The following AIG1 variants were observed in gnomAD, a reference collection of about 807,000 sequenced individuals.
AIG1 encodes androgen induced 1.
Under a neutral mutation model 31.4 loss-of-function variants are expected in AIG1, and 23 were observed. The observed-to-expected ratio is 0.73, with a 90% CI of 0.53 to 1.04. The LOEUF (loss-of-function observed/expected upper bound fraction) is 1.04. AIG1 is among the 50% of genes least tolerant of loss of function. The pLI is 0.00. For synonymous variants in AIG1, 100 were observed against 110.5 expected (o/e 0.90, Z 0.60); for missense variants, 274 against 295.0 (o/e 0.93, Z 0.52).
Position 143,133,178 on chromosome 6 carries a change from T to G in AIG1, c.142-3657T>G, listed in dbSNP as rs533188375. On this transcript the variant is annotated intron_variant, in intron 1 of 5. Coordinates refer to ENST00000357847, the MANE Select transcript of AIG1 (RefSeq NM_016108.4). ...GTCTTCCTTTAAATAAAGTAGAATT[T>G]TGTTTTTAATAGGCATTTAAACTAC... 3.9e-5 allele frequency among the ~76,000 whole-genome samples: 6 copies of G among 152,306 alleles called. No individual in the cohort carries two copies. The East Asian group carries it at 9.6e-4, about 24-fold the overall frequency.
intron 3 of AIG1, among the ~76,000 whole-genome samples, chr6:143,233,177 G>A (rs73594106): frequency 0.022 from 3,424 of 152,280 alleles, 120 homozygotes; most frequent in African/African-American, 0.075. Flanking sequence ...AGGGGTTGAA[G>A]CATGAGGGGA....
At chr6:143,155,824 C>T (rs1247041881) in intron 2 of AIG1, among the ~76,000 whole-genome samples, 1 of 152,150 alleles carries the variant, frequency 6.6e-6, no homozygotes, top group African/African-American at 2.4e-5. Context: ...GCATTTGGGG[C>T]TTGACCACAA....
At chr6:143,170,523 T>G (rs1329655005) in intron 3 of AIG1, among the ~76,000 whole-genome samples, 2 of 151,926 alleles carry the variant, frequency 1.3e-5, no homozygotes, top group East Asian at 3.8e-4. Flanking sequence ...ATTTGAGTCT[T>G]CTCTCTTTTT....
intron 1 of AIG1, among the ~76,000 whole-genome samples, chr6:143,119,877 A>G (rs574760740): frequency 9.8e-5 from 15 of 152,306 alleles, no homozygotes; most frequent in Non-Finnish European, 1.9e-4. Flanking sequence ...GACTTTGTAT[A>G]TTTACCAAAA....
chr6:143,230,994 G>A (rs1793403876), intron 3 of AIG1, among the ~76,000 whole-genome samples: 1 of 152,078 alleles, frequency 6.6e-6, no homozygotes, highest in Non-Finnish European at 1.5e-5. Context: ...GATGACCTTG[G>A]GAAAGTCAGT....
chr6:143,292,456 G>A lies in AIG1; in HGVS notation c.515+8231G>A, dbSNP rs1377564356. ...TTGAACTGCCGTCACTGGCTTTGAAGACAGAGGAAGGGGCTGTGAGCACGG... is the reference window on the plus strand; with the variant it reads ...TTGAACTGCCGTCACTGGCTTTGAAAACAGAGGAAGGGGCTGTGAGCACGG... On this transcript the variant is annotated intron_variant, in intron 4 of 5. Transcript: ENST00000357847. This position sits in a 1 kb window ranked among gnomAD's most constrained non-coding sequence, Gnocchi z 4.9. Among the ~76,000 whole-genome samples the A allele has an allele frequency of 6.6e-6, 1 of 152,190 alleles. No individual in the cohort carries two copies. Among genetic ancestry groups the A allele is most frequent in the African/African-American group, 2.4e-5 (1 of 41,426 alleles).
At position 143,291,613 on chromosome 6, in the gene AIG1, C is replaced by T. The variant is rs78520628; in HGVS notation, c.515+7388C>T. On this transcript the variant is annotated intron_variant, in intron 4 of 5. Transcript: ENST00000357847. The surrounding 1 kb of genome is among the most constrained non-coding windows in gnomAD (Gnocchi z 4.2). ...GAAGATATTCATCCTTCTTCCATTTCCCCCGCCAGAAAGGAAAGAGGCATC... is the reference window on the plus strand; with the variant it reads ...GAAGATATTCATCCTTCTTCCATTTTCCCCGCCAGAAAGGAAAGAGGCATC... Among the ~76,000 whole-genome samples, 6,615 of 152,262 alleles carry T rather than the reference C, an allele frequency of 0.043. 178 individuals are homozygous for T. Among genetic ancestry groups the T allele is most frequent in the Middle Eastern group, 0.075 (22 of 294 alleles).
chr6:143,328,861 C>T lies in AIG1; in HGVS notation c.516-4421C>T, dbSNP rs906618143. Among the ~76,000 whole-genome samples, 2 of 152,104 alleles carry T rather than the reference C, an allele frequency of 1.3e-5. No homozygotes were observed. The highest frequency in any genetic ancestry group is 4.8e-5 in the African/African-American group (2 of 41,430). Reference sequence around the variant, plus strand: ...GCACACATATCATGGTTATTGATTTCTTAAGCTAAAATTAAAATTGGTACC... The same window carrying T: ...GCACACATATCATGGTTATTGATTTTTTAAGCTAAAATTAAAATTGGTACC... On this transcript the variant is annotated intron_variant, in intron 4 of 5. Transcript: ENST00000357847. The surrounding 1 kb of genome is among the most constrained non-coding windows in gnomAD (Gnocchi z 4.0).
intron 3 of AIG1, among the ~76,000 whole-genome samples, chr6:143,166,283 T>C (rs754222382): frequency 2.7e-4 from 41 of 152,158 alleles, no homozygotes; most frequent in Non-Finnish European, 1.0e-4. Flanking sequence ...TCCAAACATA[T>C]CAGCTGGGTC....
At position 143,256,992 on chromosome 6, in the gene AIG1, A is replaced by G. The variant is rs1384507202; in HGVS notation, c.400-27118A>G. Among the ~76,000 whole-genome samples, 1 of 152,220 alleles carries G rather than the reference A, an allele frequency of 6.6e-6. No individual in the cohort carries two copies. The highest frequency in any genetic ancestry group is 1.9e-4 in the East Asian group (1 of 5,202). ...TATAATTGGCTTTGGAAGCATTTTT[A>G]AGCTTTAGTCTCATTTGTCCATAAA... On this transcript the variant is annotated intron_variant, in intron 3 of 5. Transcript: ENST00000357847. The surrounding 1 kb of genome is among the most constrained non-coding windows in gnomAD (Gnocchi z 4.6).
At chr6:143,124,828 C>T (rs183255238) in intron 1 of AIG1, among the ~76,000 whole-genome samples, 1 of 152,230 alleles carries the variant, frequency 6.6e-6, no homozygotes, top group Non-Finnish European at 1.5e-5. Flanking sequence ...GACTCACTCA[C>T]TATCACAAGA....
intron 3 of AIG1, among the ~76,000 whole-genome samples, chr6:143,172,035 T>A (rs1287338411): frequency 1.3e-5 from 2 of 152,036 alleles, no homozygotes; most frequent in Non-Finnish European, 2.9e-5. Context: ...ATTGTTTGAT[T>A]TTTTTTTCTT....
intron 1 of AIG1, among the ~76,000 whole-genome samples, chr6:143,069,773 T>C (rs1044152252): frequency 6.6e-6 from 1 of 152,232 alleles, no homozygotes; most frequent in Non-Finnish European, 1.5e-5. Flanking sequence ...ATCAATAGTG[T>C]CTTAAACAGA....
At chr6:143,215,032 T>TG (rs1562496206) in intron 3 of AIG1, among the ~76,000 whole-genome samples, 1 of 152,130 alleles carries the variant, frequency 6.6e-6, no homozygotes, top group Non-Finnish European at 1.5e-5. Flanking sequence ...TGGGACTTCT[T>TG]GGGGGCAGAG....
chr6:143,229,764 T>A (rs1236680534), intron 3 of AIG1, among the ~76,000 whole-genome samples: 12 of 141,866 alleles, frequency 8.5e-5, no homozygotes. Context: ...TTAATGCCTC[T>A]CGTTTCTGGA....
intron 2 of AIG1, among the ~76,000 whole-genome samples, chr6:143,162,127 T>C (rs890721195): frequency 1.3e-5 from 2 of 152,120 alleles, no homozygotes; most frequent in Admixed American, 6.6e-5. Context: ...TTCATTCTTA[T>C]AAACTAACAA....
intron 2 of AIG1, among the ~76,000 whole-genome samples, chr6:143,150,906 T>C (rs1008434078): frequency 5.3e-5 from 8 of 152,302 alleles, no homozygotes; most frequent in African/African-American, 1.9e-4. Flanking sequence ...AAAAGTGTTT[T>C]TCAACAACAA....
At chr6:143,187,069 C>T (rs1789329012) in intron 3 of AIG1, among the ~76,000 whole-genome samples, 1 of 152,166 alleles carries the variant, frequency 6.6e-6, no homozygotes, top group Non-Finnish European at 1.5e-5. Flanking sequence ...TAGTGTCAAT[C>T]TCAATCTAAA....
In AIG1 at chr6:143,291,484, A is replaced by G. The variant is rs755099108; in HGVS notation, c.515+7259A>G. Reference sequence around the variant, plus strand: ...AACCTCACACTTATGCACCCGACGCAGAGGTGAGCACCTGGACTTCAGCCT... The same window carrying G: ...AACCTCACACTTATGCACCCGACGCGGAGGTGAGCACCTGGACTTCAGCCT... On this transcript the variant is annotated intron_variant, in intron 4 of 5. Coordinates refer to ENST00000357847, the MANE Select transcript of AIG1 (RefSeq NM_016108.4). The surrounding 1 kb of genome is among the most constrained non-coding windows in gnomAD (Gnocchi z 4.2). 2.0e-5 allele frequency among the ~76,000 whole-genome samples: 3 copies of G among 152,236 alleles called. 1 individual carries two copies. Among genetic ancestry groups the G allele is most frequent in the Non-Finnish European group, 4.4e-5 (3 of 68,042 alleles).
Sources: allele counts gnomAD v4.1 joint callset (sites outside exome capture counted in the v4.1 genomes callset), GRCh38; gene constraint gnomAD v4.1.1; non-coding constraint Gnocchi (gnomAD v3.1); transcripts MANE v1.5; gene names NCBI Gene and HGNC (gene_info 2026-07-23, HGNC 2026-07-21).